ATP1A4: variants seen among roughly 807,000 people sequenced by gnomAD.
The protein encoded by ATP1A4 is sodium/potassium-transporting ATPase subunit alpha-4.
Under a neutral mutation model 114.3 loss-of-function variants are expected in ATP1A4, and 90 were observed. The ratio of observed to expected loss-of-function variants is 0.79; its 90% CI spans 0.66 to 0.94. The LOEUF (loss-of-function observed/expected upper bound fraction) is 0.94. Ranked by LOEUF, ATP1A4 falls within the 40% of genes least tolerant of loss-of-function variation. ATP1A4 has a pLI of 0.00. For missense variants in ATP1A4, 1,222 were observed against 1,313.6 expected (o/e 0.93, Z 1.08); for synonymous variants, 511 against 494.1 (o/e 1.03, Z -0.45).
rs1412241162 is a variant in ATP1A4 at position 160,176,538 on chromosome 1, A to T, written c.2526A>T (p.Pro842=). ...AAAGCGACATCATGAAGAGGCTTCC[A>T]AGGAACCCAAAGACGGATAATCTGG... is the stretch of plus-strand genomic sequence containing the variant. ...SAESDIMKRL[P]RNPKTDNLVN... Residue 842 remains proline (P), a synonymous_variant, in exon 17 of 22, where the codon CCA becomes CCT. Coordinates refer to ENST00000368081, the MANE Select transcript of ATP1A4 (RefSeq NM_144699.4). 7 of 1,614,084 alleles carry T rather than the reference A, an allele frequency of 4.3e-6. No individual in the cohort carries two copies. The highest frequency in any genetic ancestry group is 5.9e-6 in the Non-Finnish European group (7 of 1,180,042).
Position 160,155,829 on chromosome 1 carries a change from G to A in ATP1A4, c.412-216G>A, listed in dbSNP as rs527678588. On this transcript the variant is annotated intron_variant, in intron 3 of 21. Coordinates refer to ENST00000368081, the MANE Select transcript of ATP1A4 (RefSeq NM_144699.4). Reference sequence around the variant, plus strand: ...AAAGATACAGGCCTTCTCTGACCAGGAATTTTGCTGACGGCTCACCATGGC... The same window carrying A: ...AAAGATACAGGCCTTCTCTGACCAGAAATTTTGCTGACGGCTCACCATGGC... Among the ~76,000 whole-genome samples the A allele has an allele frequency of 5.9e-5, 9 of 152,212 alleles. No homozygotes were observed. The South Asian group carries it at 1.9e-3, about 32-fold the overall frequency.
At chr1:160,180,694 CTTTTTTTTTTTTTTTTTTTTTT>C (rs536915261) in intron 18 of ATP1A4, among the ~76,000 whole-genome samples, 2 of 68,410 alleles carry the variant, frequency 2.9e-5, no homozygotes, top group African/African-American at 6.5e-5. Context: ...GCCTTCTTCC[CTTTTTTTTTTTTTTTTTTTTTT>C]TTTTTTTTTT....
In ATP1A4 at chr1:160,171,442, TGAGGAGCTTTGG is replaced by T; in HGVS notation, c.1681+6_1681+17del. 1 of 1,612,804 alleles carries T rather than the reference TGAGGAGCTTTGG, an allele frequency of 6.2e-7. No individual in the cohort carries two copies. The highest frequency in any genetic ancestry group is 8.5e-7 in the Non-Finnish European group (1 of 1,179,118). Reference sequence around the variant, plus strand: ...GAGGTCTGGGGGAACGTGTGCTAGGTGAGGAGCTTTGGGAGAAGTTTTTAAAAGAATGGCATC... The same window carrying T: ...GAGGTCTGGGGGAACGTGTGCTAGGTGAGAAGTTTTTAAAAGAATGGCATC... On this transcript the variant is annotated splice_donor_5th_base_variant and intron_variant, in intron 11 of 21. Transcript: ENST00000368081.
At chr1:160,180,067 G>A (rs1211815365) in intron 18 of ATP1A4, among the ~76,000 whole-genome samples, 1 of 152,166 alleles carries the variant, frequency 6.6e-6, no homozygotes, top group Non-Finnish European at 1.5e-5. Context: ...GGCATTGGAA[G>A]GATCATCAAC....
intron 20 of ATP1A4, among the ~76,000 whole-genome samples, chr1:160,182,421 T>C (rs1442841824): frequency 6.6e-6 from 1 of 152,232 alleles, no homozygotes; most frequent in East Asian, 1.9e-4. Context: ...TTTTAATGTA[T>C]ATGTATGTGA....
In ATP1A4 at chr1:160,173,777, C is replaced by T. The variant is rs1008104138; in HGVS notation, c.1991+60C>T. The T allele has an allele frequency of 3.2e-6, 5 of 1,570,346 alleles. No homozygotes were observed. In the African/African-American group the frequency reaches 6.8e-5, roughly 21 times the overall value. On this transcript the variant is annotated intron_variant, in intron 13 of 21. Coordinates refer to ENST00000368081, the MANE Select transcript of ATP1A4 (RefSeq NM_144699.4). ...TCCCTCCATCCCCAGCCTGCCCCAC[C>T]CAGATGCCACTTTACTAAAGTTCTT...
In ATP1A4 at chr1:160,186,086, CAAAAAAA is replaced by C. The variant is rs527303426; in HGVS notation, c.2970-174_2970-168del. Among the ~76,000 whole-genome samples the C allele has an allele frequency of 1.5e-4, 5 of 32,790 alleles. 1 individual carries two copies. Among genetic ancestry groups the C allele is most frequent in the Non-Finnish European group, 2.0e-4 (4 of 19,698 alleles). The allele number at this position is 32,790 out of a possible 152,430, so 21.5% of individuals were successfully genotyped here. A position where few individuals can be genotyped will look rare whatever the true frequency, so the allele number is the denominator to read the frequency against. ...TGGGCAACAGAACAAGACTCTGTCG[CAAAAAAA>C]AAAAAAAAAAAAAAAGGGATCAACC... On this transcript the variant is annotated intron_variant, in intron 20 of 21. Coordinates refer to ENST00000368081, the MANE Select transcript of ATP1A4 (RefSeq NM_144699.4).
intron 8 of ATP1A4, 57 bp from the exon 9 acceptor site, chr1:160,166,911 A>T: frequency 6.3e-7 from 1 of 1,575,162 alleles, no homozygotes; most frequent in South Asian, 1.1e-5. Flanking sequence ...GATGTGAATA[A>T]CCGCTTGCTT....
At chr1:160,166,871 G>C (rs998946351) in intron 8 of ATP1A4, 97 bp from the exon 9 acceptor site, 1 of 1,496,054 alleles carries the variant, frequency 6.7e-7, no homozygotes, top group Admixed American at 1.8e-5. Flanking sequence ...AAGAAATGCT[G>C]CTCCTGTGAA....
At chr1:160,173,765 A>G (rs1305309352) in intron 13 of ATP1A4, 48 bp downstream of exon 13, 1 of 1,589,842 alleles carries the variant, frequency 6.3e-7, no homozygotes. Flanking sequence ...CTCCATCCCC[A>G]GCCTGCCCCA....
chr1:160,167,609 G>A (rs1369819630), intron 10 of ATP1A4, among the ~76,000 whole-genome samples, 197 bp downstream of exon 10: 3 of 152,180 alleles, frequency 2.0e-5, no homozygotes, highest in Non-Finnish European at 4.4e-5. Flanking sequence ...GGTGATAAAG[G>A]GAGAGGCATC....
intron 12 of ATP1A4, 88 bp downstream of exon 12, chr1:160,171,845 C>T: frequency 7.4e-7 from 1 of 1,344,572 alleles, no homozygotes; most frequent in Non-Finnish European, 1.0e-6. Flanking sequence ...ATGCTTAATA[C>T]CCTTAGTTTA....
chr1:160,176,704 C>G (rs16831514), intron 17 of ATP1A4, 102 bp downstream of exon 17: 100,326 of 1,492,884 alleles, frequency 0.067, 3,904 homozygotes, highest in South Asian at 0.15. Context: ...ATTTTCTCAG[C>G]AACAAACTGT....
intron 4 of ATP1A4, among the ~76,000 whole-genome samples, chr1:160,156,875 G>C (rs998840972): frequency 2.0e-5 from 3 of 152,184 alleles, no homozygotes; most frequent in African/African-American, 7.2e-5. Flanking sequence ...CCGTTTGGGG[G>C]ACCGAGGCAA....
intron 4 of ATP1A4, among the ~76,000 whole-genome samples, chr1:160,157,994 A>G (rs555366576): frequency 6.6e-6 from 1 of 152,348 alleles, no homozygotes; most frequent in Admixed American, 6.5e-5. Context: ...AGTATAGCCC[A>G]GGATTTCCTT....
At position 160,171,840 on chromosome 1, in the gene ATP1A4, T is replaced by A. The variant is rs527425524; in HGVS notation, c.1854+83T>A. On this transcript the variant is annotated intron_variant, in intron 12 of 21. Transcript: ENST00000368081. ...GAAGGCCTTGCGCAGAGTAGATGCTTAATACCCTTAGTTTAATTGAGCGGA... is the reference window on the plus strand; with the variant it reads ...GAAGGCCTTGCGCAGAGTAGATGCTAAATACCCTTAGTTTAATTGAGCGGA... The A allele has an allele frequency of 6.6e-6, 9 of 1,356,420 alleles. No individual in the cohort carries two copies. In the African/African-American group the frequency reaches 1.0e-4, roughly 15 times the overall value. 84.0% of individuals were successfully genotyped at this position (1,356,420 alleles called of 1,614,324 possible). A position where few individuals can be genotyped will look rare whatever the true frequency, so the allele number is the denominator to read the frequency against.
intron 1 of ATP1A4, 130 bp from the exon 2 acceptor site, chr1:160,153,035 A>T (rs1322666452): frequency 1.4e-6 from 1 of 711,142 alleles, no homozygotes; most frequent in Non-Finnish European, 2.4e-6. Flanking sequence ...TCTCAAAAAA[A>T]GAATTGCAGG....
chr1:160,164,014 A>G, intron 6 of ATP1A4, 142 bp from the exon 7 acceptor site: 1 of 1,113,808 alleles, frequency 9.0e-7, no homozygotes, highest in South Asian at 1.6e-5. Flanking sequence ...CAAAGACCAA[A>G]TATTAGAACA....
chr1:160,156,595 C>G (rs1013451991), intron 4 of ATP1A4, among the ~76,000 whole-genome samples: 1 of 151,902 alleles, frequency 6.6e-6, no homozygotes, highest in Admixed American at 6.6e-5. Context: ...TCCCAGCACT[C>G]TGGGAGGCTG....
Sources: gnomAD v4.1 joint callset for allele counts (sites outside exome capture counted in the v4.1 genomes callset) on GRCh38, gnomAD v4.1.1 for gene constraint, MANE v1.5 for transcripts, NCBI Gene and HGNC (gene_info 2026-07-23, HGNC 2026-07-21) for gene names.